Variants in WDR25 observed in about 807,000 individuals in gnomAD.
The protein encoded by WDR25 is WD repeat-containing protein 25.
In WDR25, 35 loss-of-function variants were observed where a neutral mutation model predicts 47.7. That is an observed-to-expected ratio of 0.73 (90% CI 0.56 to 0.97). The LOEUF (loss-of-function observed/expected upper bound fraction) is 0.97, where lower values mean the gene tolerates loss of function less well. Ranked by LOEUF, WDR25 falls within the 50% of genes least tolerant of loss-of-function variation. WDR25 has a pLI of 0.00. For missense variants in WDR25, 634 were observed against 704.7 expected (o/e 0.90, Z 1.14); for synonymous variants, 248 against 278.9 (o/e 0.89, Z 1.10).
Position 100,530,129 on chromosome 14 carries a change from G to A in WDR25, c.*88G>A. On this transcript the variant is annotated 3_prime_UTR_variant, in exon 7 of 7. Coordinates refer to ENST00000402312, the MANE Select transcript of WDR25 (RefSeq NM_001161476.3). ...GTAGATGAGAGGAACGAGCACAGAGGTTGGCTGTGGGTCCTGGGTACCACC... is the reference window on the plus strand; with the variant it reads ...GTAGATGAGAGGAACGAGCACAGAGATTGGCTGTGGGTCCTGGGTACCACC... 7.2e-7 allele frequency: 1 copy of A among 1,391,748 alleles called. No individual in the cohort carries two copies. The highest frequency in any genetic ancestry group is 1.4e-5 in the African/African-American group (1 of 70,066). The allele number at this position is 1,391,748 out of a possible 1,614,324, so 86.2% of individuals were successfully genotyped here.
At position 100,529,113 on chromosome 14, in the gene WDR25, G is replaced by A; in HGVS notation, c.1318G>A (p.Val440Met). Residue 440 changes from valine to methionine, a missense_variant, in exon 6 of 7, where the codon GTG becomes ATG. Physicochemically the swap from Val to Met is conservative, Grantham distance 21 (BLOSUM62 1). Transcript: ENST00000402312. This position sits in a 1 kb window ranked among gnomAD's most constrained non-coding sequence, Gnocchi z 5.1. ...PSLALHPREP[V>M]FLAQTNGNYL... ...CCTCGCCTTGCACCCGAGAGAGCCC[G>A]TGTTCCTGGCACAGACCAATGGCAA... The A allele has an allele frequency of 1.9e-6, 3 of 1,581,928 alleles. No individual in the cohort carries two copies. Among genetic ancestry groups the A allele is most frequent in the Non-Finnish European group, 8.6e-7 (1 of 1,156,478 alleles).
intron 4 of WDR25, among the ~76,000 whole-genome samples, chr14:100,493,789 A>C (rs978242849): frequency 1.3e-5 from 2 of 152,152 alleles, no homozygotes; most frequent in Admixed American, 6.5e-5. Flanking sequence ...TAATGTGATG[A>C]TATTAGGAGG....
intron 4 of WDR25, among the ~76,000 whole-genome samples, chr14:100,513,270 T>C (rs894706033): frequency 6.6e-6 from 1 of 152,186 alleles, no homozygotes; most frequent in African/African-American, 2.4e-5. Flanking sequence ...GATTACGTCA[T>C]GAGGGCTCCA....
chr14:100,503,584 G>A (rs1052400041), intron 4 of WDR25: 1 of 152,208 alleles, frequency 6.6e-6, no homozygotes, highest in Non-Finnish European at 1.5e-5. Context: ...TTTGTGCTCT[G>A]TGAAATATCA....
chr14:100,483,914 C>T, intron 3 of WDR25, 80 bp from the exon 4 acceptor site: 1 of 1,507,162 alleles, frequency 6.6e-7, no homozygotes, highest in South Asian at 1.4e-5. Flanking sequence ...GAGCCCCATA[C>T]CAGATGGCAT....
Position 100,502,694 on chromosome 14 carries a change from C to T in WDR25, c.1101+18570C>T, listed in dbSNP as rs1351363589. On this transcript the variant is annotated intron_variant, in intron 4 of 6. Transcript: ENST00000402312. The surrounding 1 kb of genome is among the most constrained non-coding windows in gnomAD (Gnocchi z 4.5). ...TGGCGAGGGGAGGAGTCAGTCTCCA[C>T]AGAGTACATCGTGATGGGAACTGCT... Among the ~76,000 whole-genome samples, 4 of 152,208 alleles carry T rather than the reference C, an allele frequency of 2.6e-5. No individual in the cohort carries two copies. The highest frequency in any genetic ancestry group is 6.5e-5 in the Admixed American group (1 of 15,278).
intron 1 of WDR25, chr14:100,376,867 C>A: frequency 1.4e-6 from 1 of 721,144 alleles, no homozygotes; most frequent in Non-Finnish European, 1.8e-6. Flanking sequence ...TACTTCCTAG[C>A]ATCTCCCCCT....
intron 5 of WDR25, among the ~76,000 whole-genome samples, chr14:100,526,310 G>C (rs1012724135): frequency 6.6e-6 from 1 of 152,142 alleles, no homozygotes; most frequent in Non-Finnish European, 1.5e-5. Flanking sequence ...CAGATCAATG[G>C]GGAACGTGGC....
chr14:100,411,749 T>C (rs937823512), intron 2 of WDR25, among the ~76,000 whole-genome samples: 1 of 152,164 alleles, frequency 6.6e-6, no homozygotes, highest in African/African-American at 2.4e-5. Flanking sequence ...TTGGCCAGGC[T>C]GGTCTCAAAC....
chr14:100,520,095 GTA>G (rs35178382), intron 4 of WDR25, among the ~76,000 whole-genome samples: 80,429 of 144,592 alleles, frequency 0.56, 25,788 homozygotes, highest in African/African-American at 0.88. Context: ...TATATATAGT[GTA>G]TATATATATA....
chr14:100,431,771 A>G (rs1354231622), intron 2 of WDR25, among the ~76,000 whole-genome samples: 2 of 149,324 alleles, frequency 1.3e-5, no homozygotes, highest in Non-Finnish European at 3.0e-5. Flanking sequence ...GTGCAGTGGC[A>G]TGATCTCGGC....
chr14:100,519,713 T>A (rs71424405), intron 4 of WDR25, among the ~76,000 whole-genome samples: 16 of 142,698 alleles, frequency 1.1e-4, no homozygotes, highest in Middle Eastern at 3.8e-3. Flanking sequence ...GTATATATAG[T>A]GTATATATAC....
intron 4 of WDR25, among the ~76,000 whole-genome samples, chr14:100,516,139 C>T (rs186809283): frequency 7.8e-4 from 119 of 151,972 alleles, no homozygotes; most frequent in African/African-American, 2.3e-3. Flanking sequence ...TTTTTGGATG[C>T]GGTTGTATTG....
chr14:100,508,087 G>A (rs923151071), intron 4 of WDR25, among the ~76,000 whole-genome samples: 1 of 152,080 alleles, frequency 6.6e-6, no homozygotes, highest in Admixed American at 6.5e-5. Flanking sequence ...GATCAAGTAG[G>A]CTTCATTCCT....
chr14:100,420,493 ATTG>A, intron 2 of WDR25, among the ~76,000 whole-genome samples: 1 of 151,916 alleles, frequency 6.6e-6, no homozygotes, highest in East Asian at 1.9e-4. Context: ...CAGGTTTTTT[ATTG>A]TTGTTTTATA....
intron 4 of WDR25, among the ~76,000 whole-genome samples, chr14:100,503,052 T>TGTGTGC (rs1444346765): frequency 6.6e-6 from 1 of 151,714 alleles, no homozygotes; most frequent in African/African-American, 2.4e-5. Context: ...TCCGTGTGTG[T>TGTGTGC]GTGTGCGTGT....
At position 100,529,026 on chromosome 14, in the gene WDR25, G is replaced by A; in HGVS notation, c.1273-42G>A. ...GGCCCCAGAGCAGAGTGCCAGGTTG[G>A]GGGTGTCTTCTCTGACCCATTTGTG... On this transcript the variant is annotated intron_variant, in intron 5 of 6. Transcript: ENST00000402312. This position sits in a 1 kb window ranked among gnomAD's most constrained non-coding sequence, Gnocchi z 5.1. The A allele has an allele frequency of 6.6e-7, 1 of 1,506,532 alleles. No homozygotes were observed. The highest frequency in any genetic ancestry group is 1.4e-5 in the African/African-American group (1 of 71,714). The allele number at this position is 1,506,532 out of a possible 1,614,324, so 93.3% of individuals were successfully genotyped here.
rs112897556 is a variant in WDR25 at position 100,530,059 on chromosome 14, C to G, written c.*18C>G. 9.1e-5 allele frequency: 146 copies of G among 1,597,466 alleles called. No homozygotes were observed. The African/African-American group carries it at 1.7e-3, about 19-fold the overall frequency. ...GGCACTGAGCTTTTTGTCACTGAAC[C>G]TTCCCGATGCCAGCTGGGCTCTTGG... On this transcript the variant is annotated 3_prime_UTR_variant, in exon 7 of 7. Coordinates refer to ENST00000402312, the MANE Select transcript of WDR25 (RefSeq NM_001161476.3).
At position 100,382,239 on chromosome 14, in the gene WDR25, G is replaced by A. The variant is rs949089286; in HGVS notation, c.822+493G>A. On this transcript the variant is annotated intron_variant, in intron 2 of 6. Coordinates refer to ENST00000402312, the MANE Select transcript of WDR25 (RefSeq NM_001161476.3). ...CACAGACTCAACCCTGAGCTGTGAG[G>A]ACGGCCCCCAGTAGGACACACAGGT... is the stretch of plus-strand genomic sequence containing the variant. 1.3e-5 allele frequency: 9 copies of A among 700,416 alleles called. No individual in the cohort carries two copies. In the African/African-American group the frequency reaches 1.6e-4, roughly 12 times the overall value. The allele number at this position is 700,416 out of a possible 1,614,324, so 43.4% of individuals were successfully genotyped here. A position where few individuals can be genotyped will look rare whatever the true frequency, so the allele number is the denominator to read the frequency against.
Sources: allele counts gnomAD v4.1 joint callset (sites outside exome capture counted in the v4.1 genomes callset), GRCh38; gene constraint gnomAD v4.1.1; non-coding constraint Gnocchi (gnomAD v3.1); transcripts MANE v1.5; gene names NCBI Gene and HGNC (gene_info 2026-07-23, HGNC 2026-07-21).